ADGRF4: variants seen among roughly 807,000 people sequenced by gnomAD.
ADGRF4 encodes the protein G-protein coupled receptor PGR18.
Under a neutral mutation model 58.5 loss-of-function variants are expected in ADGRF4, and 63 were observed. That is an observed-to-expected ratio of 1.08 (90% confidence interval 0.88 to 1.33). ADGRF4 has a LOEUF of 1.33. Ranked by LOEUF, ADGRF4 falls within the 40% of genes most tolerant of loss-of-function variation. The pLI is 0.00. For synonymous variants in ADGRF4, 313 were observed against 295.4 expected, an observed-to-expected ratio of 1.06 and a Z score of -0.61; for missense variants, 931 against 843.9, an observed-to-expected ratio of 1.10 and a Z score of -1.28.
At chr6:47,701,400 G>C (rs1928463) in intron 1 of ADGRF4, among the ~76,000 whole-genome samples, 150,028 of 152,254 alleles carry the variant, frequency 0.99, 73,964 homozygotes, top group Middle Eastern at 1. Flanking sequence ...AAGAAGCTGC[G>C]TTTCTAGGTG....
Position 47,717,327 on chromosome 6 carries a change from G to A in ADGRF4, c.2010G>A (p.Leu670=), listed in dbSNP as rs554207975. The A allele has an allele frequency of 4.3e-6, 7 of 1,612,630 alleles. No homozygotes were observed. The African/African-American group carries it at 9.3e-5, about 22-fold the overall frequency. ...RDALRMRMSS[L]KGKSRAAENA... ...CTTTGAGGATGAGGATGTCTTCACT[G>A]AAGGGGAAATCGAGGGCAGCTGAGG... The change falls in exon 8 of 10, where the codon CTG becomes CTA. Residue 670 remains leucine (L), a synonymous_variant. Transcript: ENST00000283303.
intron 4 of ADGRF4, 97 bp downstream of exon 4, chr6:47,710,983 A>C (rs530294718): frequency 8.7e-7 from 1 of 1,147,490 alleles, no homozygotes. Flanking sequence ...AAAAAGTCTC[A>C]GATCCGCACT....
At chr6:47,699,016 C>A (rs556075141) in intron 1 of ADGRF4, among the ~76,000 whole-genome samples, 1 of 152,148 alleles carries the variant, frequency 6.6e-6, no homozygotes, top group Non-Finnish European at 1.5e-5. Context: ...GTTTGTCAGG[C>A]TTTAATGGCT....
intron 1 of ADGRF4, among the ~76,000 whole-genome samples, chr6:47,703,089 C>T (rs1334224935): frequency 1.3e-5 from 2 of 152,182 alleles, no homozygotes; most frequent in Admixed American, 6.6e-5. Context: ...GGAGACCACT[C>T]ACTACATATA....
intron 3 of ADGRF4, among the ~76,000 whole-genome samples, chr6:47,709,253 T>C (rs1418602004): frequency 6.6e-6 from 1 of 152,240 alleles, no homozygotes; most frequent in African/African-American, 2.4e-5. Flanking sequence ...AACCTGAGAA[T>C]ATTTCAACAG....
Position 47,712,562 on chromosome 6 carries a change from AT to A in ADGRF4, c.507del (p.Asn169LysfsTer15). 1 of 1,595,782 alleles carries A rather than the reference AT, an allele frequency of 6.3e-7. No individual in the cohort carries two copies. The highest frequency in any genetic ancestry group is 8.6e-7 in the Non-Finnish European group (1 of 1,163,236). Reference sequence around the variant, plus strand: ...GCATTTATAGTGGAGTTATTAAAAAATATTTCTACAGACTTGTCTGATAATG... The same window carrying A: ...GCATTTATAGTGGAGTTATTAAAAAAATTTCTACAGACTTGTCTGATAATG... ...NIAFIVELLK[N>X]ISTDLSDNVT... On this transcript the variant is annotated frameshift_variant, in exon 5 of 10. Coordinates refer to ENST00000283303, the MANE Select transcript of ADGRF4 (RefSeq NM_153838.5). LOFTEE classifies it high-confidence loss of function.
chr6:47,717,501 T>C (rs1172350341), intron 8 of ADGRF4, 150 bp downstream of exon 8: 1 of 681,706 alleles, frequency 1.5e-6, no homozygotes, highest in Non-Finnish European at 2.7e-6. Context: ...TTCGGTAAAT[T>C]TGGAGTGTTC....
chr6:47,707,949 C>G (rs1008883739), intron 2 of ADGRF4, among the ~76,000 whole-genome samples: 2 of 152,138 alleles, frequency 1.3e-5, no homozygotes, highest in African/African-American at 4.8e-5. Context: ...GATGCTTAAA[C>G]TTTTTGAAAG....
chr6:47,706,674 C>T (rs1436009634), intron 1 of ADGRF4, among the ~76,000 whole-genome samples: 5 of 152,170 alleles, frequency 3.3e-5, no homozygotes, highest in Admixed American at 6.5e-5. Flanking sequence ...TCAATAGCAC[C>T]GTCACAGAGA....
rs547435569 is a variant in ADGRF4, at chr6:47,718,268, C to G, written c.2035-121C>G. The G allele has an allele frequency of 1.9e-4, 133 of 706,620 alleles. No individual in the cohort carries two copies. In the African/African-American group the frequency reaches 2.2e-3, roughly 12 times the overall value. The allele number at this position is 706,620 out of a possible 1,614,324, so 43.8% of individuals were successfully genotyped here. Reference sequence around the variant, plus strand: ...AATATGATAATTTACTTCTGTGTAGCTATATCAGTGTGGGTACTCCTTTTC... The same window carrying G: ...AATATGATAATTTACTTCTGTGTAGGTATATCAGTGTGGGTACTCCTTTTC... On this transcript the variant is annotated intron_variant, in intron 8 of 9. Transcript: ENST00000283303.
intron 9 of ADGRF4, among the ~76,000 whole-genome samples, chr6:47,719,460 CT>C (rs535060323): frequency 1.5e-4 from 23 of 152,216 alleles, no homozygotes; most frequent in Non-Finnish European, 3.1e-4. Flanking sequence ...GTTGACCCTT[CT>C]GCTCGCTGCC....
rs563474990 is a variant in ADGRF4 at position 47,714,822 on chromosome 6, C to T, written c.1577C>T (p.Pro526Leu). The T allele has an allele frequency of 6.2e-7, 1 of 1,613,028 alleles. No homozygotes were observed. The highest frequency in any genetic ancestry group is 8.5e-7 in the Non-Finnish European group (1 of 1,179,012). ...VIGFAIGYGC[P>L]LIIAVTTVAI... ...GGCTTTGCCATTGGCTATGGGTGCCCATTGATCATTGCTGTCACTACAGTT... is the reference window on the plus strand; with the variant it reads ...GGCTTTGCCATTGGCTATGGGTGCCTATTGATCATTGCTGTCACTACAGTT... Residue 526 changes from proline to leucine, a missense_variant, in exon 6 of 10, where the codon CCA becomes CTA. By Grantham distance (98) the Pro-to-Leu change is moderately conservative (BLOSUM62 -3). Coordinates refer to ENST00000283303, the MANE Select transcript of ADGRF4 (RefSeq NM_153838.5).
Position 47,710,803 on chromosome 6 carries a change from G to GA in ADGRF4, c.220dup (p.Ile74AsnfsTer6). On this transcript the variant is annotated frameshift_variant, in exon 4 of 10. Transcript: ENST00000283303. LOFTEE classifies it high-confidence loss of function. Reference sequence around the variant, plus strand: ...GCCCTGTGCTAAGGACTTTCATGGAGAAATAGGATTTACATGTAATCAAAA... The same window carrying GA: ...GCCCTGTGCTAAGGACTTTCATGGAGAAAATAGGATTTACATGTAATCAAAA... The GA allele has an allele frequency of 6.2e-7, 1 of 1,613,638 alleles. No individual in the cohort carries two copies. Among genetic ancestry groups the GA allele is most frequent in the Non-Finnish European group, 8.5e-7 (1 of 1,179,716 alleles).
intron 1 of ADGRF4, among the ~76,000 whole-genome samples, chr6:47,703,781 T>C (rs1484010822): frequency 6.6e-6 from 1 of 152,208 alleles, no homozygotes; most frequent in Admixed American, 6.5e-5. Flanking sequence ...ATATATGAAA[T>C]GTATCATTAT....
At chr6:47,703,215 A>G (rs1418325660) in intron 1 of ADGRF4, among the ~76,000 whole-genome samples, 1 of 152,170 alleles carries the variant, frequency 6.6e-6, no homozygotes, top group African/African-American at 2.4e-5. Context: ...TGGTAGATCT[A>G]AGGATGTGTG....
At chr6:47,706,465 A>G (rs1771712453) in intron 1 of ADGRF4, among the ~76,000 whole-genome samples, 1 of 152,278 alleles carries the variant, frequency 6.6e-6, no homozygotes, top group South Asian at 2.1e-4. Flanking sequence ...TTGTCTCCAT[A>G]TGCCTAGACA....
intron 3 of ADGRF4, among the ~76,000 whole-genome samples, chr6:47,708,586 A>G (rs1268852040): frequency 6.6e-6 from 1 of 152,248 alleles, no homozygotes; most frequent in Non-Finnish European, 1.5e-5. Flanking sequence ...AGGAAAGAGG[A>G]CAAGATTATT....
intron 5 of ADGRF4, among the ~76,000 whole-genome samples, 177 bp downstream of exon 5, chr6:47,712,785 T>G (rs1461973367): frequency 1.3e-5 from 2 of 152,206 alleles, no homozygotes; most frequent in African/African-American, 4.8e-5. Flanking sequence ...TTCAAGTAGT[T>G]AAAACATTTT....
intron 5 of ADGRF4, among the ~76,000 whole-genome samples, chr6:47,713,052 C>G (rs576214015): frequency 6.6e-6 from 1 of 152,230 alleles, no homozygotes; most frequent in East Asian, 1.9e-4. Context: ...ATTAGATTCT[C>G]GTAGAAGCAC....
Sources: allele counts gnomAD v4.1 joint callset (sites outside exome capture counted in the v4.1 genomes callset), GRCh38; gene constraint gnomAD v4.1.1; transcripts MANE v1.5; gene names NCBI Gene and HGNC (gene_info 2026-07-23, HGNC 2026-07-21).